Variants in MSI2 observed in about 807,000 individuals in gnomAD.
MSI2 encodes the protein musashi RNA binding protein 2.
A neutral mutation model predicts 45.6 loss-of-function variants in MSI2; 17 were observed. The observed-to-expected ratio is 0.37, with a 90% CI of 0.26 to 0.56. The LOEUF (loss-of-function observed/expected upper bound fraction) is 0.56. Ranked by LOEUF, MSI2 falls within the 20% of genes least tolerant of loss-of-function variation. MSI2 has a pLI of 0.77. For missense variants in MSI2, 293 were observed against 444.2 expected (o/e 0.66, Z 3.06); for synonymous variants, 156 against 158.2 (o/e 0.99, Z 0.11).
chr17:57,399,787 A>C (rs35868491), intron 5 of MSI2, among the ~76,000 whole-genome samples: 15,376 of 152,262 alleles, frequency 0.1, 934 homozygotes, highest in Non-Finnish European at 0.14. Flanking sequence ...CGTGCTGCAG[A>C]AAACTCATAC....
At chr17:57,632,556 G>A in intron 10 of MSI2, 1 of 1,067,014 alleles carries the variant, frequency 9.4e-7, no homozygotes, top group Non-Finnish European at 1.1e-6. Context: ...GGCCTTGCCT[G>A]CTGGCACCAT....
At chr17:57,363,692 T>G (rs960738372) in intron 5 of MSI2, among the ~76,000 whole-genome samples, 1 of 152,178 alleles carries the variant, frequency 6.6e-6, no homozygotes, top group Non-Finnish European at 1.5e-5. Flanking sequence ...TGAGCCGAAT[T>G]GGCACCACTG....
chr17:57,301,636 A>C (rs972804083), intron 5 of MSI2, among the ~76,000 whole-genome samples: 1 of 152,264 alleles, frequency 6.6e-6, no homozygotes, highest in Non-Finnish European at 1.5e-5. Flanking sequence ...TGATGCAGGC[A>C]ACTGCAGCTC....
intron 7 of MSI2, among the ~76,000 whole-genome samples, chr17:57,531,286 T>G (rs2086816343): frequency 1.3e-5 from 2 of 152,196 alleles, no homozygotes; most frequent in Admixed American, 1.3e-4. Flanking sequence ...ATCTGTAGGA[T>G]GGGGGTAATC....
intron 5 of MSI2, among the ~76,000 whole-genome samples, chr17:57,341,909 T>C (rs1031506871): frequency 6.6e-6 from 1 of 152,212 alleles, no homozygotes; most frequent in Non-Finnish European, 1.5e-5. Context: ...TTCCTCTCCT[T>C]CTTCCTCCTT....
intron 7 of MSI2, among the ~76,000 whole-genome samples, chr17:57,586,730 T>C (rs1015655502): frequency 6.6e-6 from 1 of 152,096 alleles, no homozygotes; most frequent in African/African-American, 2.4e-5. Context: ...GACAGCGTTA[T>C]TGAGGGGCAT....
intron 5 of MSI2, among the ~76,000 whole-genome samples, chr17:57,345,828 A>G (rs1915553491): frequency 6.6e-6 from 1 of 151,834 alleles, no homozygotes; most frequent in African/African-American, 2.4e-5. Flanking sequence ...CAAAAAAAAA[A>G]AAAAAAAATT....
intron 6 of MSI2, among the ~76,000 whole-genome samples, chr17:57,493,807 A>G (rs1031990610): frequency 1.3e-5 from 2 of 152,006 alleles, no homozygotes; most frequent in African/African-American, 4.8e-5. Context: ...AGCCATTTTC[A>G]TGTGGGCATG....
At chr17:57,519,938 C>G (rs537300447) in intron 6 of MSI2, among the ~76,000 whole-genome samples, 2 of 152,240 alleles carry the variant, frequency 1.3e-5, no homozygotes, top group African/African-American at 4.8e-5. Context: ...TGCCTGTAAT[C>G]CCAAGCTACT....
At chr17:57,696,443 A>T in the MSI2 span, among the ~76,000 whole-genome samples, 1 of 152,242 alleles carries the variant, frequency 6.6e-6, no homozygotes, top group African/African-American at 2.4e-5. Flanking sequence ...GTCATATTAA[A>T]GTTTTTAGAA....
intron 6 of MSI2, among the ~76,000 whole-genome samples, chr17:57,495,573 C>T (rs1326410517): frequency 6.9e-6 from 1 of 145,740 alleles, no homozygotes; most frequent in Non-Finnish European, 1.5e-5. Flanking sequence ...CTTGGCTTCT[C>T]TATATCCCCT....
At chr17:57,568,663 A>ATC (rs2087798149) in intron 7 of MSI2, among the ~76,000 whole-genome samples, 1 of 152,176 alleles carries the variant, frequency 6.6e-6, no homozygotes, top group Non-Finnish European at 1.5e-5. Flanking sequence ...CCTTCACACT[A>ATC]AACCCGGTTT....
chr17:57,325,017 A>G (rs568322212), intron 5 of MSI2, among the ~76,000 whole-genome samples: 13 of 152,382 alleles, frequency 8.5e-5, no homozygotes, highest in African/African-American at 2.6e-4. Context: ...AGAAAGTGGT[A>G]TCTACCTATG....
At chr17:57,274,710 G>A (rs1908696436) in intron 5 of MSI2, among the ~76,000 whole-genome samples, 1 of 152,210 alleles carries the variant, frequency 6.6e-6, no homozygotes, top group South Asian at 2.1e-4. Flanking sequence ...TGTGACACGG[G>A]TAGAATTGCA....
At chr17:57,450,452 T>G (rs1052140855) in intron 6 of MSI2, among the ~76,000 whole-genome samples, 4 of 141,546 alleles carry the variant, frequency 2.8e-5, no homozygotes, top group Non-Finnish European at 6.3e-5. Flanking sequence ...CACAGCGGGC[T>G]GATCACTTGA....
At chr17:57,664,064 C>T (rs1912201366) in intron 11 of MSI2, among the ~76,000 whole-genome samples, 1 of 152,124 alleles carries the variant, frequency 6.6e-6, no homozygotes, top group Non-Finnish European at 1.5e-5. Flanking sequence ...AATCAGAAGA[C>T]TTGGTTCCAG....
At chr17:57,595,284 T>C (rs1240136919) in intron 7 of MSI2, among the ~76,000 whole-genome samples, 2 of 151,550 alleles carry the variant, frequency 1.3e-5, no homozygotes, top group African/African-American at 4.9e-5. Flanking sequence ...ATAATATAAT[T>C]GTGATAGAAC....
chr17:57,433,439 A>G lies in MSI2; in HGVS notation c.405+31968A>G, dbSNP rs574252920. 5.9e-5 allele frequency among the ~76,000 whole-genome samples: 9 copies of G among 152,310 alleles called. No individual in the cohort carries two copies. In the East Asian group the frequency reaches 1.7e-3, roughly 29 times the overall value. ...GATCAGAGTGATGCATCCACAAGCC[A>G]TGGGACACCAAGGATTGCTAGGAGC... On this transcript the variant is annotated intron_variant, in intron 6 of 13. Coordinates refer to ENST00000284073, the MANE Select transcript of MSI2 (RefSeq NM_138962.4).
intron 6 of MSI2, among the ~76,000 whole-genome samples, chr17:57,452,428 A>G (rs1266078557): frequency 2.6e-5 from 4 of 152,250 alleles, no homozygotes; most frequent in African/African-American, 9.6e-5. Flanking sequence ...CAGGACTAGA[A>G]GTCAGGCCTT....
Sources: allele counts gnomAD v4.1 joint callset (sites outside exome capture counted in the v4.1 genomes callset), GRCh38; gene constraint gnomAD v4.1.1; transcripts MANE v1.5; gene names NCBI Gene and HGNC (gene_info 2026-07-23, HGNC 2026-07-21).